The following SLC2A3 variants were observed in gnomAD, a reference collection of about 807,000 sequenced individuals.
SLC2A3 encodes the protein solute carrier family 2, facilitated glucose transporter member 3.
In SLC2A3, 21 loss-of-function variants were observed where a neutral mutation model predicts 46.4. That is an observed-to-expected ratio of 0.45 (90% CI 0.32 to 0.65). SLC2A3 has a LOEUF of 0.65. Ranked by LOEUF, SLC2A3 falls within the 30% of genes least tolerant of loss-of-function variation. The probability of loss-of-function intolerance (pLI) is 0.04; values close to 1 mark genes in which losing one functional copy is unlikely to be tolerated. For missense variants in SLC2A3, 499 were observed against 623.3 expected, an observed-to-expected ratio of 0.80 and a Z score of 2.12; for synonymous variants, 213 against 239.4, an observed-to-expected ratio of 0.89 and a Z score of 1.02.
Position 7,931,316 on chromosome 12 carries a change from G to C in SLC2A3, c.439C>G (p.Pro147Ala). 1 of 1,614,128 alleles carries C rather than the reference G, an allele frequency of 6.2e-7. No individual in the cohort carries two copies. The highest frequency in any genetic ancestry group is 1.6e-4 in the Middle Eastern group (1 of 6,062). The part of the protein sequence containing the change: ...FVPMYIGEIS[P>A]TALRGAFGTL... The stretch of plus-strand genomic sequence containing the variant: ...CCAAAGGCACCCCGCAGGGCAGTAG[G>C]CGAGATCTCTCCAATGTACATGGGC... Residue 147 changes from proline (P) to alanine (A), a missense_variant, in exon 4 of 10, where the codon CCT becomes GCT. Physicochemically the swap from Pro to Ala is conservative, Grantham distance 27 (BLOSUM62 -1). Transcript: ENST00000075120.
At position 7,924,445 on chromosome 12, in the gene SLC2A3, A is replaced by C. The variant is rs781198083; in HGVS notation, c.1033T>G (p.Cys345Gly). ...AAAGAAACAGTCATGAGCGTGGAAC[A>C]AAAAGCCATCCCTCCAAGGCCTATC... ...HMIGLGGMAFCSTLMTVSLLL... is the reference protein window; with the variant it reads ...HMIGLGGMAFGSTLMTVSLLL... Residue 345 changes from cysteine (C) to glycine (G), a missense_variant, in exon 8 of 10, where the codon TGT (cysteine) becomes GGT (glycine). Coordinates refer to ENST00000075120, the MANE Select transcript of SLC2A3 (RefSeq NM_006931.3). The C allele has an allele frequency of 6.2e-6, 10 of 1,610,804 alleles. No homozygotes were observed. In the East Asian group the frequency reaches 2.2e-4, roughly 36 times the overall value.
intron 5 of SLC2A3, chr12:7,930,191 T>C (rs1592357052): frequency 3.8e-6 from 2 of 527,320 alleles, no homozygotes; most frequent in East Asian, 4.0e-5. Flanking sequence ...CTCCATGTTG[T>C]TTCAGGCAGG....
At chr12:7,922,794 G>C in intron 9 of SLC2A3, 27 bp downstream of exon 9, 1 of 1,613,708 alleles carries the variant, frequency 6.2e-7, no homozygotes, top group Non-Finnish European at 8.5e-7. Context: ...ACATAGGCTG[G>C]TTTTAAGATA....
intron 1 of SLC2A3, among the ~76,000 whole-genome samples, chr12:7,934,582 G>A (rs12812878): frequency 6.6e-6 from 1 of 151,880 alleles, no homozygotes; most frequent in Non-Finnish European, 1.5e-5. Context: ...GGGGAGAACC[G>A]GTCATCTTCA....
At chr12:7,925,801 G>A (rs1313097999) in intron 7 of SLC2A3, 43 bp downstream of exon 7, 2 of 1,434,528 alleles carry the variant, frequency 1.4e-6, no homozygotes, top group Non-Finnish European at 2.0e-6. Context: ...TCTGTAGCAA[G>A]GATTCTTTTC....
In SLC2A3 at chr12:7,921,445, C is replaced by A; in HGVS notation, c.1459G>T (p.Glu487Ter). 6.2e-7 allele frequency: 1 copy of A among 1,613,960 alleles called. No homozygotes were observed. Among genetic ancestry groups the A allele is most frequent in the Non-Finnish European group, 8.5e-7 (1 of 1,179,904 alleles). ...TTGGTGGTGGTCTCCTTAGCAGGCT[C>A]GATGCTGTTCATCTCCATGACGCCG... ...KDGVMEMNSI[E>*]PAKETTTNV The change falls in exon 10 of 10, where the codon GAG (glutamate) becomes TAG (stop). Residue 487 changes from glutamate to a stop codon, truncating the protein, a stop_gained. Coordinates refer to ENST00000075120, the MANE Select transcript of SLC2A3 (RefSeq NM_006931.3). LOFTEE classifies it high-confidence loss of function.
At chr12:7,922,783 T>G (rs1192374574) in intron 9 of SLC2A3, 38 bp downstream of exon 9, 6 of 1,613,118 alleles carry the variant, frequency 3.7e-6, no homozygotes, top group Non-Finnish European at 5.1e-6. Context: ...CATGTCAGCT[T>G]ACATAGGCTG....
intron 2 of SLC2A3, 120 bp from the exon 3 acceptor site, chr12:7,933,267 G>A: frequency 2.7e-6 from 3 of 1,094,388 alleles, no homozygotes; most frequent in Non-Finnish European, 2.6e-6. Flanking sequence ...AGGAATGGAA[G>A]GGGCAGATAA....
chr12:7,931,880 A>T (rs941786469), intron 3 of SLC2A3, among the ~76,000 whole-genome samples: 6 of 108,084 alleles, frequency 5.6e-5, no homozygotes, highest in African/African-American at 2.0e-4. Flanking sequence ...TCTAATTGGC[A>T]TTTTTTTTTT....
intron 7 of SLC2A3, chr12:7,925,614 A>G (rs1022302258): frequency 1.9e-5 from 7 of 363,038 alleles, no homozygotes; most frequent in Non-Finnish European, 3.5e-5. Flanking sequence ...CTCCAATTCC[A>G]AGTTCAAAGC....
At chr12:7,927,907 T>TA (rs1946111942) in intron 6 of SLC2A3, among the ~76,000 whole-genome samples, 1 of 151,524 alleles carries the variant, frequency 6.6e-6, no homozygotes, top group Admixed American at 6.6e-5. Flanking sequence ...AACATGGTGA[T>TA]ATCCCTCTAT....
chr12:7,919,830 GA>G lies in SLC2A3; in HGVS notation c.*1582del, dbSNP rs1207304912. 6.6e-6 allele frequency: 1 copy of G among 152,176 alleles called. No homozygotes were observed. Among genetic ancestry groups the G allele is most frequent in the Non-Finnish European group, 1.5e-5 (1 of 68,048 alleles). 9.4% of individuals were successfully genotyped at this position (152,176 alleles called of 1,614,324 possible). A position where few individuals can be genotyped will look rare whatever the true frequency, so the allele number is the denominator to read the frequency against. On this transcript the variant is annotated 3_prime_UTR_variant, in exon 10 of 10. Transcript: ENST00000075120. ...AGGGTCTGAGATGTGTAAGCACCAA[GA>G]AGGGAAAGGGAGACTGAGCAACATA...
At chr12:7,929,301 G>GGGCTACCTTGTATTT (rs1001603833) in intron 6 of SLC2A3, among the ~76,000 whole-genome samples, 4 of 152,096 alleles carry the variant, frequency 2.6e-5, no homozygotes, top group Admixed American at 1.3e-4. Flanking sequence ...TGGAATACAA[G>GGGCTACCTTGTATTT]GGCTACCTGC....
rs951792782 is a variant in SLC2A3, at chr12:7,926,034, T to G, written c.862-86A>C. On this transcript the variant is annotated intron_variant, in intron 6 of 9. Coordinates refer to ENST00000075120, the MANE Select transcript of SLC2A3 (RefSeq NM_006931.3). Reference sequence around the variant, plus strand: ...TCAAAAATAAACTTAAAAGTCCCAGTGGGTAAGAAGTCCTTTTTCTAGGTT... The same window carrying G: ...TCAAAAATAAACTTAAAAGTCCCAGGGGGTAAGAAGTCCTTTTTCTAGGTT... 4 of 1,138,770 alleles carry G rather than the reference T, an allele frequency of 3.5e-6. No homozygotes were observed. In the African/African-American group the frequency reaches 6.2e-5, roughly 18 times the overall value. 70.5% of individuals were successfully genotyped at this position (1,138,770 alleles called of 1,614,324 possible). A position where few individuals can be genotyped will look rare whatever the true frequency, so the allele number is the denominator to read the frequency against.
chr12:7,935,881 A>T, intron 1 of SLC2A3, 139 bp downstream of exon 1: 3 of 755,032 alleles, frequency 4.0e-6, no homozygotes, highest in Non-Finnish European at 7.2e-6. Flanking sequence ...GCAGCAGTGC[A>T]GGCTAGAGAC....
intron 8 of SLC2A3, 51 bp from the exon 9 acceptor site, chr12:7,923,075 G>C: frequency 6.6e-7 from 1 of 1,526,510 alleles, no homozygotes; most frequent in South Asian, 1.2e-5. Context: ...GTGTAACCTA[G>C]TATCTAGGTT....
At position 7,921,445 on chromosome 12, in the gene SLC2A3, C is replaced by G. The variant is rs780023625; in HGVS notation, c.1459G>C (p.Glu487Gln). Reference protein sequence around the residue: ...KDGVMEMNSIEPAKETTTNV With the variant: ...KDGVMEMNSIQPAKETTTNV The stretch of plus-strand genomic sequence containing the variant: ...TTGGTGGTGGTCTCCTTAGCAGGCT[C>G]GATGCTGTTCATCTCCATGACGCCG... Residue 487 changes from glutamate to glutamine, a missense_variant, in exon 10 of 10, where the codon GAG becomes CAG. By Grantham distance (29) the Glu-to-Gln change is conservative. Around this residue, in one of 5 missense-constraint regions of SLC2A3, gnomAD observed 179 missense variants for 205.1 expected, o/e 0.87. Transcript: ENST00000075120. 2 of 1,613,960 alleles carry G rather than the reference C, an allele frequency of 1.2e-6. No individual in the cohort carries two copies. Among genetic ancestry groups the G allele is most frequent in the Non-Finnish European group, 8.5e-7 (1 of 1,179,904 alleles).
intron 4 of SLC2A3, 31 bp from the exon 5 acceptor site, chr12:7,930,673 C>A (rs772143916): frequency 6.3e-7 from 1 of 1,588,622 alleles, no homozygotes; most frequent in African/African-American, 1.4e-5. Context: ...ATGCTATAAA[C>A]CCCATACTTC....
At chr12:7,930,230 C>A (rs2121194685) in intron 5 of SLC2A3, 2 of 509,110 alleles carry the variant, frequency 3.9e-6, no homozygotes, top group African/African-American at 1.9e-5. Context: ...AGGTGACCCG[C>A]CTCGGCCTCT....
Sources: allele counts gnomAD v4.1 joint callset (sites outside exome capture counted in the v4.1 genomes callset), GRCh38; gene constraint gnomAD v4.1.1; regional missense constraint gnomAD v4.1.1; transcripts MANE v1.5; gene names NCBI Gene and HGNC (gene_info 2026-07-23, HGNC 2026-07-21).